SLC43A3: variants seen among roughly 807,000 people sequenced by gnomAD.
SLC43A3 encodes solute carrier family 43 member 3.
Under a neutral mutation model 53.3 loss-of-function variants are expected in SLC43A3, and 33 were observed. The ratio of observed to expected loss-of-function variants is 0.62; its 90% CI spans 0.47 to 0.83. SLC43A3 has a LOEUF of 0.83. SLC43A3 is among the 40% of genes least tolerant of loss of function. The probability of loss-of-function intolerance (pLI) is 0.00; values close to 1 mark genes in which losing one functional copy is unlikely to be tolerated. For missense variants in SLC43A3, 530 were observed against 610.0 expected (o/e 0.87, Z 1.38); for synonymous variants, 236 against 246.2 (o/e 0.96, Z 0.39).
Position 57,425,604 on chromosome 11 carries a change from A to T in SLC43A3, c.251T>A (p.Met84Lys). 1 of 1,614,164 alleles carries T rather than the reference A, an allele frequency of 6.2e-7. No homozygotes were observed. The highest frequency in any genetic ancestry group is 8.5e-7 in the Non-Finnish European group (1 of 1,180,042). The change falls in exon 4 of 14, where the codon ATG (methionine) becomes AAG (lysine). Residue 84 changes from methionine (M) to lysine (K), a missense_variant. Physicochemically the swap from Met to Lys is moderately conservative, Grantham distance 95 (BLOSUM62 -1). Transcript: ENST00000395124. Reference protein sequence around the residue: ...FTLGSFMNNFMTFPTGYIFDR... With the variant: ...FTLGSFMNNFKTFPTGYIFDR... ...AAAGATGTAGCCAGTGGGGAATGTC[A>T]TGAAGTTGTTCATGAAGGACCCCAG...
intron 11 of SLC43A3, 41 bp downstream of exon 11, chr11:57,414,574 C>T: frequency 8.8e-7 from 1 of 1,139,032 alleles, no homozygotes; most frequent in Non-Finnish European, 1.3e-6. Context: ...GACCTCCCTT[C>T]CTGGTTCCCT....
chr11:57,425,521 G>C lies in SLC43A3; in HGVS notation c.314+20C>G, dbSNP rs1274493880. ...GATTCCTCTTACCCACCTTTGCCTG[G>C]GCTGGCCTTTGGGACTTACATGGCT... On this transcript the variant is annotated intron_variant, in intron 4 of 13. Transcript: ENST00000395124. 15 of 1,610,276 alleles carry C rather than the reference G, an allele frequency of 9.3e-6. No individual in the cohort carries two copies. The highest frequency in any genetic ancestry group is 1.3e-5 in the Non-Finnish European group (15 of 1,177,472).
intron 11 of SLC43A3, 122 bp from the exon 12 acceptor site, chr11:57,410,243 C>G (rs960501584): frequency 9.4e-6 from 7 of 746,876 alleles, no homozygotes; most frequent in Non-Finnish European, 1.5e-5. Flanking sequence ...CAACAGAAAC[C>G]TGGGAGTCAT....
In SLC43A3 at chr11:57,425,560, C is replaced by A; in HGVS notation, c.295G>T (p.Val99Leu). ...ACTTACATGGCTATGAGGCGTGCCACGGTGGTCTTGAACCGGTCAAAGATG... is the reference window on the plus strand; with the variant it reads ...ACTTACATGGCTATGAGGCGTGCCAAGGTGGTCTTGAACCGGTCAAAGATG... The part of the protein sequence containing the change: ...GYIFDRFKTT[V>L]ARLIAIFFYT... The change falls in exon 4 of 14, where the codon GTG (valine) becomes TTG (leucine). Residue 99 changes from valine (V) to leucine (L), a missense_variant. Val to Leu is a conservative substitution (Grantham distance 32). Coordinates refer to ENST00000395124, the MANE Select transcript of SLC43A3 (RefSeq NM_199329.3). The A allele has an allele frequency of 6.2e-7, 1 of 1,613,944 alleles. No homozygotes were observed. Among genetic ancestry groups the A allele is most frequent in the East Asian group, 2.2e-5 (1 of 44,882 alleles).
At chr11:57,411,468 C>A (rs1318980210) in intron 11 of SLC43A3, among the ~76,000 whole-genome samples, 1 of 60,042 alleles carries the variant, frequency 1.7e-5, no homozygotes, top group Non-Finnish European at 3.3e-5. Flanking sequence ...GACCCTTCCT[C>A]TACAAAAAAA....
Position 57,407,069 on chromosome 11 carries a change from T to C in SLC43A3, c.*723A>G, listed in dbSNP as rs905800420. 11 of 152,208 alleles carry C rather than the reference T, an allele frequency of 7.2e-5. No homozygotes were observed. Among genetic ancestry groups the C allele is most frequent in the African/African-American group, 2.7e-4 (11 of 41,438 alleles). The allele number at this position is 152,208 out of a possible 1,614,324, so 9.4% of individuals were successfully genotyped here. The stretch of plus-strand genomic sequence containing the variant: ...TTCTTGAAAACATCCCCAAAGATAG[T>C]CTGTCAGAAATCCTTCGGTCAAGCA... On this transcript the variant is annotated 3_prime_UTR_variant, in exon 14 of 14. Transcript: ENST00000395124.
intron 11 of SLC43A3, 52 bp from the exon 12 acceptor site, chr11:57,410,173 G>T (rs1942386709): frequency 7.1e-7 from 1 of 1,414,710 alleles, no homozygotes; most frequent in Non-Finnish European, 9.5e-7. Flanking sequence ...CCCAACAGAA[G>T]TCAGCGAAGG....
At position 57,422,031 on chromosome 11, in the gene SLC43A3, C is replaced by CA. The variant is rs34582514; in HGVS notation, c.362-659dup. On this transcript the variant is annotated intron_variant, in intron 5 of 13. Coordinates refer to ENST00000395124, the MANE Select transcript of SLC43A3 (RefSeq NM_199329.3). The stretch of plus-strand genomic sequence containing the variant: ...AGGTCTGGTAAGTGTGAGACCACAG[C>CA]AAAAAAGCTCAAGAGCTGGGCTAGG... Among the ~76,000 whole-genome samples the CA allele has an allele frequency of 4.9e-3, 745 of 152,304 alleles. 2 individuals are homozygous for CA. The highest frequency in any genetic ancestry group is 0.031 in the Middle Eastern group (9 of 294).
Position 57,426,136 on chromosome 11 carries a change from G to T in SLC43A3, c.37C>A (p.Leu13Met). 1 of 1,614,240 alleles carries T rather than the reference G, an allele frequency of 6.2e-7. No individual in the cohort carries two copies. Among genetic ancestry groups the T allele is most frequent in the Non-Finnish European group, 8.5e-7 (1 of 1,180,042 alleles). Reference protein sequence around the residue: ...GQGLPLHVATLLTGLLECLGF... With the variant: ...GQGLPLHVATMLTGLLECLGF... Reference sequence around the variant, plus strand: ...AGGCATTCCAGCAGCCCAGTCAGCAGTGTGGCCACGTGCAGGGGCAGGCCC... The same window carrying T: ...AGGCATTCCAGCAGCCCAGTCAGCATTGTGGCCACGTGCAGGGGCAGGCCC... Residue 13 changes from leucine to methionine, a missense_variant, in exon 3 of 14, where the codon CTG (leucine) becomes ATG (methionine). By Grantham distance (15) the Leu-to-Met change is conservative (BLOSUM62 2). This residue lies in a region of SLC43A3 where 30 missense variants were observed against 57.0 expected (regional missense o/e 0.53). Transcript: ENST00000395124.
chr11:57,416,953 A>G (rs1942751703), intron 8 of SLC43A3, among the ~76,000 whole-genome samples: 1 of 152,224 alleles, frequency 6.6e-6, no homozygotes, highest in Non-Finnish European at 1.5e-5. Context: ...TTCAAATCCC[A>G]GCTCTGCCTC....
rs777559188 is a variant in SLC43A3 at position 57,409,292 on chromosome 11, A to G, written c.1254T>C (p.Pro418=). 6.2e-7 allele frequency: 1 copy of G among 1,614,178 alleles called. No individual in the cohort carries two copies. The highest frequency in any genetic ancestry group is 2.2e-5 in the East Asian group (1 of 44,870). Reference sequence around the variant, plus strand: ...CAAAGAGCTTGCCAAAGTGCTCTGAAGGGAAACTGGGGAGAGAAACCAGAG... The same window carrying G: ...CAAAGAGCTTGCCAAAGTGCTCTGAGGGGAAACTGGGGAGAGAAACCAGAG... ...SNAAFLTLAF[P]SEHFGKLFGL... Residue 418 remains proline (P), a synonymous_variant, in exon 13 of 14, where the codon CCT becomes CCC. Transcript: ENST00000395124.
rs533182005 is a variant in SLC43A3 at position 57,417,728 on chromosome 11, A to G, written c.671+20T>C. 67 of 1,613,754 alleles carry G rather than the reference A, an allele frequency of 4.2e-5. No individual in the cohort carries two copies. The South Asian group carries it at 7.4e-4, about 18-fold the overall frequency. ...GGGCCAATGAGGGGCTCTGGCCCAC[A>G]ATCACCAGATAGTCCTTACCCATAG... On this transcript the variant is annotated intron_variant, in intron 8 of 13. Coordinates refer to ENST00000395124, the MANE Select transcript of SLC43A3 (RefSeq NM_199329.3).
chr11:57,412,740 G>A (rs1391150269), intron 11 of SLC43A3, among the ~76,000 whole-genome samples: 2 of 151,838 alleles, frequency 1.3e-5, no homozygotes, highest in African/African-American at 2.4e-5. Context: ...CCTGGGAGGC[G>A]GAGGTCGCAG....
chr11:57,417,777 T>C lies in SLC43A3; in HGVS notation c.642A>G (p.Pro214=). The change falls in exon 8 of 14, where the codon CCA becomes CCG. Residue 214 remains proline (P), a synonymous_variant. Coordinates refer to ENST00000395124, the MANE Select transcript of SLC43A3 (RefSeq NM_199329.3). ...AGCTGTAGTTGGGGGGCAGTGGGTA[T>C]GGGATGTGCCCCCGGGGCATCAGGA... ...TFLLMPRGHI[P]YPLPPNYSYG... is the part of the protein sequence containing the mutation. The C allele has an allele frequency of 6.2e-7, 1 of 1,614,164 alleles. No individual in the cohort carries two copies. Among genetic ancestry groups the C allele is most frequent in the Admixed American group, 1.7e-5 (1 of 60,022 alleles).
At chr11:57,419,714 T>C (rs1476341318) in intron 7 of SLC43A3, among the ~76,000 whole-genome samples, 1 of 150,972 alleles carries the variant, frequency 6.6e-6, no homozygotes, top group Non-Finnish European at 1.5e-5. Flanking sequence ...GAGAATTGCT[T>C]AAACCCACTA....
chr11:57,415,003 C>A lies in SLC43A3; in HGVS notation c.873G>T (p.Leu291Phe). Residue 291 changes from leucine to phenylalanine, a missense_variant, in exon 10 of 14, where the codon TTG becomes TTT. Around this residue, in one of 3 missense-constraint regions of SLC43A3, gnomAD observed 376 missense variants for 386.7 expected, o/e 0.97. Transcript: ENST00000395124. Reference protein sequence around the residue: ...WHLVWLSVIQLWHYLFIGTLN... With the variant: ...WHLVWLSVIQFWHYLFIGTLN... ...GAGTGCCAATGAAGAGGTAGTGCCA[C>A]AACTGTATCACAGACAGCCACACCA... 6.2e-7 allele frequency: 1 copy of A among 1,614,128 alleles called. No homozygotes were observed. Among genetic ancestry groups the A allele is most frequent in the Non-Finnish European group, 8.5e-7 (1 of 1,180,034 alleles).
rs971324552 is a variant in SLC43A3 at position 57,407,803 on chromosome 11, C to T, written c.1465G>A (p.Ala489Thr). ...TGAGGGCTTCTGAACTATGCAATTG[C>T]AGAGGGACTTTCTTTCCAAGTACGG... ...ECRTWKESPS[A>T]IA The change falls in exon 14 of 14, where the codon GCA becomes ACA. Residue 489 changes from alanine (A) to threonine (T), a missense_variant. Physicochemically the swap from Ala to Thr is moderately conservative, Grantham distance 58. Coordinates refer to ENST00000395124, the MANE Select transcript of SLC43A3 (RefSeq NM_199329.3). 1 of 1,607,320 alleles carries T rather than the reference C, an allele frequency of 6.2e-7. No individual in the cohort carries two copies. The highest frequency in any genetic ancestry group is 1.3e-5 in the African/African-American group (1 of 74,874).
In SLC43A3 at chr11:57,407,018, T is replaced by C. The variant is rs948140009; in HGVS notation, c.*774A>G. On this transcript the variant is annotated 3_prime_UTR_variant, in exon 14 of 14. Coordinates refer to ENST00000395124, the MANE Select transcript of SLC43A3 (RefSeq NM_199329.3). Reference sequence around the variant, plus strand: ...TTCCCGAGAGAAATTTTCTTTTAAATGCCCAAAGTAAATAACTTATATCCC... The same window carrying C: ...TTCCCGAGAGAAATTTTCTTTTAAACGCCCAAAGTAAATAACTTATATCCC... 3 of 152,202 alleles carry C rather than the reference T, an allele frequency of 2.0e-5. No individual in the cohort carries two copies. The highest frequency in any genetic ancestry group is 4.4e-5 in the Non-Finnish European group (3 of 68,036). 9.4% of individuals were successfully genotyped at this position (152,202 alleles called of 1,614,324 possible). A position where few individuals can be genotyped will look rare whatever the true frequency, so the allele number is the denominator to read the frequency against.
chr11:57,413,331 A>G (rs570327061), intron 11 of SLC43A3, among the ~76,000 whole-genome samples: 73 of 152,338 alleles, frequency 4.8e-4, no homozygotes, highest in Middle Eastern at 3.4e-3. Flanking sequence ...AACCAACTGT[A>G]AAAGGATGTA....
Sources: allele counts gnomAD v4.1 joint callset (sites outside exome capture counted in the v4.1 genomes callset), GRCh38; gene constraint gnomAD v4.1.1; regional missense constraint gnomAD v4.1.1; transcripts MANE v1.5; gene names NCBI Gene and HGNC (gene_info 2026-07-23, HGNC 2026-07-21).